Variants in STAT5B observed in about 807,000 individuals in gnomAD.
The protein encoded by STAT5B is signal transducer and activator of transcription 5B.
Under a neutral mutation model 107.8 loss-of-function variants are expected in STAT5B, and 21 were observed. That is an observed-to-expected ratio of 0.19 (90% confidence interval 0.14 to 0.28). The LOEUF is 0.28. Ranked by LOEUF, STAT5B falls within the 10% of genes least tolerant of loss-of-function variation. STAT5B has a pLI of 1.00. For missense variants in STAT5B, 565 were observed against 1,008.2 expected (o/e 0.56, Z 5.95); for synonymous variants, 325 against 401.7 (o/e 0.81, Z 2.28).
intron 9 of STAT5B, 197 bp from the exon 10 acceptor site, chr17:42,217,661 T>A: frequency 1.6e-6 from 1 of 628,366 alleles, no homozygotes; most frequent in Non-Finnish European, 2.8e-6. Context: ...GATCAAACTA[T>A]CTTCACAGAA....
chr17:42,232,245 A>ATTTATT (rs1386830742), intron 1 of STAT5B, 108 bp from the exon 2 acceptor site: 6 of 1,155,836 alleles, frequency 5.2e-6, no homozygotes, highest in Non-Finnish European at 6.7e-6. Flanking sequence ...TTATTTTATT[A>ATTTATT]TTTATTTTTA....
intron 1 of STAT5B, among the ~76,000 whole-genome samples, chr17:42,250,052 T>A (rs529129739): frequency 6.6e-6 from 1 of 152,132 alleles, no homozygotes; most frequent in African/African-American, 2.4e-5. Context: ...CTTTTGAGTA[T>A]AAAAGTGAAG....
rs551934486 is a variant in STAT5B, at chr17:42,262,785, T to C, written c.-11+13463A>G. Among the ~76,000 whole-genome samples, 660 of 126,498 alleles carry C rather than the reference T, an allele frequency of 5.2e-3. 4 individuals are homozygous for C. The highest frequency in any genetic ancestry group is 0.017 in the African/African-American group (555 of 32,596). The allele number at this position is 126,498 out of a possible 152,430, so 83.0% of individuals were successfully genotyped here. On this transcript the variant is annotated intron_variant, in intron 1 of 18. Transcript: ENST00000293328. ...ATATATATACATATATGTATATATA[T>C]ACACATATATATGTGTGTATATATA...
At chr17:42,207,768 T>G in intron 15 of STAT5B, 40 bp from the exon 16 acceptor site, 2 of 1,610,148 alleles carry the variant, frequency 1.2e-6, no homozygotes, top group Non-Finnish European at 1.7e-6. Flanking sequence ...TAAACATGAT[T>G]TCTGAATTAG....
At chr17:42,221,681 T>G (rs760927185) in intron 5 of STAT5B, among the ~76,000 whole-genome samples, 3 of 152,180 alleles carry the variant, frequency 2.0e-5, no homozygotes, top group Non-Finnish European at 2.9e-5. Flanking sequence ...CTAGGATGGA[T>G]TCAGATAAAA....
chr17:42,270,872 C>T (rs1464575183), intron 1 of STAT5B: 5 of 152,250 alleles, frequency 3.3e-5, no homozygotes, highest in African/African-American at 1.2e-4. Context: ...ACCCACTCCT[C>T]TGAGAATCAC....
the STAT5B span, among the ~76,000 whole-genome samples, chr17:42,285,321 G>T: frequency 6.6e-6 from 1 of 152,004 alleles, no homozygotes; most frequent in Non-Finnish European, 1.5e-5. Context: ...CAAACTCCTG[G>T]CCTCAAGTGA....
At position 42,210,426 on chromosome 17, in the gene STAT5B, A is replaced by G. The variant is rs746737564; in HGVS notation, c.1752T>C (p.His584=). 2.5e-6 allele frequency: 4 copies of G among 1,614,176 alleles called. No individual in the cohort carries two copies. The highest frequency in any genetic ancestry group is 1.1e-5 in the South Asian group (1 of 91,082). Residue 584 remains histidine (H), a synonymous_variant, in exon 14 of 19, where the codon CAT becomes CAC. Coordinates refer to ENST00000293328, the MANE Select transcript of STAT5B (RefSeq NM_012448.4). The part of the protein sequence containing the change: ...FDGVMEVLKK[H]LKPHWNDGAI... ...ACCCATCATTCCAATGAGGCTTGAG[A>G]TGTTTTTTTAACACTTCCATCACAC...
chr17:42,227,059 C>T (rs1262729984), intron 3 of STAT5B, among the ~76,000 whole-genome samples: 1 of 150,692 alleles, frequency 6.6e-6, no homozygotes, highest in Non-Finnish European at 1.5e-5. Flanking sequence ...CGCTTGAACC[C>T]GGGAGGCAGA....
At position 42,262,892 on chromosome 17, in the gene STAT5B, GTGTGTATATATA is replaced by G. The variant is rs1163550411; in HGVS notation, c.-11+13344_-11+13355del. ...TGTGTGTATATATACACATATATAT[GTGTGTATATATA>G]TGTGTATATATATGTGTGTATATAT... On this transcript the variant is annotated intron_variant, in intron 1 of 18. Coordinates refer to ENST00000293328, the MANE Select transcript of STAT5B (RefSeq NM_012448.4). Among the ~76,000 whole-genome samples, 850 of 113,910 alleles carry G rather than the reference GTGTGTATATATA, an allele frequency of 7.5e-3. 15 individuals are homozygous for G. Among genetic ancestry groups the G allele is most frequent in the African/African-American group, 0.026 (796 of 30,338 alleles). 74.7% of individuals were successfully genotyped at this position (113,910 alleles called of 152,430 possible).
intron 1 of STAT5B, chr17:42,270,590 C>T (rs980931235): frequency 6.6e-6 from 1 of 152,020 alleles, no homozygotes; most frequent in African/African-American, 2.4e-5. Context: ...AAATATTTAT[C>T]ACCATCTTCA....
intron 18 of STAT5B, 198 bp from the exon 19 acceptor site, chr17:42,202,062 C>T (rs543876140): frequency 2.2e-5 from 14 of 641,786 alleles, no homozygotes; most frequent in African/African-American, 9.1e-5. Context: ...CCTCTCACAC[C>T]GGCTGTCCAG....
chr17:42,284,744 C>T, the STAT5B span, among the ~76,000 whole-genome samples: 7 of 152,330 alleles, frequency 4.6e-5, no homozygotes, highest in Admixed American at 2.0e-4. Context: ...TTCACTCCGC[C>T]GGTGTGTGCT....
At position 42,218,274 on chromosome 17, in the gene STAT5B, G is replaced by A. The variant is rs1310986199; in HGVS notation, c.1046C>T (p.Ala349Val). ...GCCCACCAGCAGGCGCACAGTGGCT[G>A]CAAACTTGGTCTGGGTCTTCAGGAC... is the stretch of plus-strand genomic sequence containing the variant. ...PQVLKTQTKF[A>V]ATVRLLVGGK... Residue 349 changes from alanine (A) to valine (V), a missense_variant, in exon 9 of 19, where the codon GCA becomes GTA. Coordinates refer to ENST00000293328, the MANE Select transcript of STAT5B (RefSeq NM_012448.4). 9 of 1,614,138 alleles carry A rather than the reference G, an allele frequency of 5.6e-6. No homozygotes were observed. Among genetic ancestry groups the A allele is most frequent in the Non-Finnish European group, 5.9e-6 (7 of 1,180,032 alleles).
intron 4 of STAT5B, 67 bp from the exon 5 acceptor site, chr17:42,223,623 G>A (rs998853760): frequency 5.1e-6 from 8 of 1,583,410 alleles, no homozygotes; most frequent in Non-Finnish European, 6.9e-6. Context: ...TTAATCCCCA[G>A]GAAAAGCCAG....
intron 3 of STAT5B, among the ~76,000 whole-genome samples, chr17:42,226,056 T>C (rs1367469369): frequency 6.6e-6 from 1 of 152,150 alleles, no homozygotes; most frequent in Non-Finnish European, 1.5e-5. Context: ...TGCCTCAGCC[T>C]CCCAAGTAGC....
intron 17 of STAT5B, 102 bp downstream of exon 17, chr17:42,202,655 T>TC: frequency 6.3e-7 from 1 of 1,592,890 alleles, no homozygotes; most frequent in Non-Finnish European, 8.6e-7. Context: ...TGAGACAGTT[T>TC]CCCCGGGGGA....
chr17:42,218,442 G>A, intron 8 of STAT5B, 112 bp from the exon 9 acceptor site: 1 of 1,501,806 alleles, frequency 6.7e-7, no homozygotes, highest in Admixed American at 2.0e-5. Flanking sequence ...AGGAGGTGAA[G>A]AGCTCGGGCA....
chr17:42,263,912 G>C (rs112260763), intron 1 of STAT5B, among the ~76,000 whole-genome samples: 113 of 129,612 alleles, frequency 8.7e-4, no homozygotes, highest in African/African-American at 2.9e-3. Context: ...CACACACACA[G>C]GGAACTCCAC....
Sources: allele counts gnomAD v4.1 joint callset (sites outside exome capture counted in the v4.1 genomes callset), GRCh38; gene constraint gnomAD v4.1.1; transcripts MANE v1.5; gene names NCBI Gene and HGNC (gene_info 2026-07-23, HGNC 2026-07-21).